The following ANKS1B variants were observed in gnomAD, a reference collection of about 807,000 sequenced individuals.
The protein encoded by ANKS1B is ankyrin repeat and sterile alpha motif domain containing 1B.
A neutral mutation model predicts 148.3 loss-of-function variants in ANKS1B; 36 were observed. That is an observed-to-expected ratio of 0.24 (90% CI 0.19 to 0.32). The LOEUF is 0.32. Ranked by LOEUF, ANKS1B falls within the 10% of genes least tolerant of loss-of-function variation. The pLI is 1.00. For missense variants in ANKS1B, 1,157 were observed against 1,542.6 expected (o/e 0.75, Z 4.19); for synonymous variants, 542 against 560.8 (o/e 0.97, Z 0.47).
At chr12:99,369,831 T>TAGAC (rs200225847) in intron 12 of ANKS1B, among the ~76,000 whole-genome samples, 3 of 146,758 alleles carry the variant, frequency 2.0e-5, no homozygotes, top group East Asian at 4.0e-4. Flanking sequence ...GACGGACGGA[T>TAGAC]AGACAGACAG....
chr12:99,313,979 T>C (rs966052046), intron 12 of ANKS1B, among the ~76,000 whole-genome samples: 2 of 152,154 alleles, frequency 1.3e-5, no homozygotes, highest in Admixed American at 6.6e-5. Context: ...AGTCAAATTG[T>C]CTCTGTTTGC....
At chr12:99,953,520 T>A (rs1181837385) in intron 1 of ANKS1B, among the ~76,000 whole-genome samples, 1 of 151,492 alleles carries the variant, frequency 6.6e-6, no homozygotes, top group Non-Finnish European at 1.5e-5. Context: ...AAGCCTGAGA[T>A]AAGTGAGAGG....
chr12:99,344,091 A>G (rs1374391460), intron 12 of ANKS1B, among the ~76,000 whole-genome samples: 1 of 151,968 alleles, frequency 6.6e-6, no homozygotes, highest in African/African-American at 2.4e-5. Context: ...AGCATTACTT[A>G]CCTTGACAAA....
intron 16 of ANKS1B, among the ~76,000 whole-genome samples, chr12:99,082,373 A>C (rs531006711): frequency 9.9e-5 from 15 of 152,184 alleles, no homozygotes; most frequent in Non-Finnish European, 1.9e-4. Context: ...GAGATTTGAC[A>C]ATGTATAGGA....
chr12:99,356,536 G>A (rs1472804240), intron 12 of ANKS1B, among the ~76,000 whole-genome samples: 1 of 152,110 alleles, frequency 6.6e-6, no homozygotes, highest in African/African-American at 2.4e-5. Flanking sequence ...CGTTGTACAC[G>A]CTGGCAAAGG....
chr12:99,658,925 A>G (rs1459562576), intron 8 of ANKS1B, among the ~76,000 whole-genome samples: 2 of 152,198 alleles, frequency 1.3e-5, no homozygotes, highest in Non-Finnish European at 2.9e-5. Flanking sequence ...TTCACATTGT[A>G]TCTCCTACAA....
At chr12:99,639,560 G>A (rs1159964469) in intron 9 of ANKS1B, among the ~76,000 whole-genome samples, 1 of 152,090 alleles carries the variant, frequency 6.6e-6, no homozygotes, top group Non-Finnish European at 1.5e-5. Flanking sequence ...CAACCCCCAC[G>A]TCATGGGAGG....
intron 20 of ANKS1B, among the ~76,000 whole-genome samples, chr12:98,804,158 T>A (rs887015927): frequency 6.6e-6 from 1 of 152,204 alleles, no homozygotes; most frequent in Non-Finnish European, 1.5e-5. Flanking sequence ...AGGTGGGAGA[T>A]AATTACAAGG....
intron 12 of ANKS1B, among the ~76,000 whole-genome samples, chr12:99,323,342 A>T (rs368526037): frequency 6.6e-6 from 1 of 152,200 alleles, no homozygotes; most frequent in South Asian, 2.1e-4. Context: ...TCTGCATGGC[A>T]TTCATGCAGC....
intron 10 of ANKS1B, among the ~76,000 whole-genome samples, chr12:99,488,319 C>T (rs764621616): frequency 9.9e-5 from 15 of 152,142 alleles, no homozygotes; most frequent in Non-Finnish European, 1.6e-4. Context: ...TTATCTTCTC[C>T]TTCGCATTTT....
At chr12:98,780,964 C>T (rs531854223) in intron 24 of ANKS1B, among the ~76,000 whole-genome samples, 153 bp downstream of exon 24, 2 of 151,804 alleles carry the variant, frequency 1.3e-5, no homozygotes, top group South Asian at 4.2e-4. Context: ...TGTACATGAG[C>T]GTGTATCTAT....
intron 17 of ANKS1B, among the ~76,000 whole-genome samples, chr12:98,909,221 C>T (rs1260391022): frequency 9.2e-5 from 14 of 152,280 alleles, no homozygotes; most frequent in Admixed American, 2.0e-4. Flanking sequence ...GGTTTCTATT[C>T]TTCCACAGGC....
chr12:99,820,727 C>T (rs1351243079), intron 2 of ANKS1B, among the ~76,000 whole-genome samples: 2 of 151,924 alleles, frequency 1.3e-5, no homozygotes, highest in Non-Finnish European at 2.9e-5. Flanking sequence ...AATTAGCATT[C>T]CATGTAAACA....
chr12:98,748,833 T>C (rs2097980203), intron 26 of ANKS1B, among the ~76,000 whole-genome samples: 1 of 152,236 alleles, frequency 6.6e-6, no homozygotes, highest in African/African-American at 2.4e-5. Flanking sequence ...GGAAGAAGCC[T>C]GTGGGGACCA....
intron 9 of ANKS1B, chr12:99,648,882 G>A (rs1460159190): frequency 1.4e-6 from 2 of 1,454,822 alleles, no homozygotes; most frequent in Non-Finnish European, 1.8e-6. Context: ...GCTCACCTGG[G>A]AAATGCATTG....
intron 1 of ANKS1B, among the ~76,000 whole-genome samples, chr12:99,871,994 C>T (rs540763549): frequency 1.3e-5 from 2 of 152,044 alleles, no homozygotes; most frequent in Non-Finnish European, 2.9e-5. Flanking sequence ...AGATTGATAA[C>T]TTGCATTAGC....
At chr12:99,309,618 T>C (rs2082865902) in intron 12 of ANKS1B, among the ~76,000 whole-genome samples, 1 of 152,056 alleles carries the variant, frequency 6.6e-6, no homozygotes, top group Non-Finnish European at 1.5e-5. Context: ...TAGTCACACA[T>C]AAATACATAA....
At chr12:99,420,231 T>C (rs2095041885) in intron 11 of ANKS1B, among the ~76,000 whole-genome samples, 2 of 152,218 alleles carry the variant, frequency 1.3e-5, no homozygotes, top group Non-Finnish European at 2.9e-5. Flanking sequence ...AATGTCTTCC[T>C]ATACAATAAA....
chr12:99,154,897 A>G, intron 14 of ANKS1B: 1 of 1,535,334 alleles, frequency 6.5e-7, no homozygotes, highest in South Asian at 1.2e-5. Context: ...ATTTTCAATA[A>G]TAGCCATCAG....
Sources: gnomAD v4.1 joint callset for allele counts (sites outside exome capture counted in the v4.1 genomes callset) on GRCh38, gnomAD v4.1.1 for gene constraint, MANE v1.5 for transcripts, NCBI Gene and HGNC (gene_info 2026-07-23, HGNC 2026-07-21) for gene names.